Variants in KLF12 observed in about 807,000 individuals in gnomAD.
The protein encoded by KLF12 is KLF transcription factor 12, also known as Krueppel-like factor 12.
KLF12 carries 9 observed loss-of-function variants against 37.8 expected under a neutral mutation model. The observed-to-expected ratio is 0.24, with a 90% confidence interval of 0.14 to 0.42. KLF12 has a LOEUF of 0.42. Ranked by LOEUF, KLF12 falls within the 10% of genes least tolerant of loss-of-function variation. The pLI is 1.00. For missense variants in KLF12, 411 were observed against 516.0 expected, an observed-to-expected ratio of 0.80 and a Z score of 1.97; for synonymous variants, 208 against 202.1, an observed-to-expected ratio of 1.03 and a Z score of -0.25.
intron 1 of KLF12, among the ~76,000 whole-genome samples, chr13:74,094,111 C>A (rs1875838844): frequency 6.6e-6 from 1 of 152,044 alleles, no homozygotes; most frequent in South Asian, 2.1e-4. Flanking sequence ...TACAGGTGCC[C>A]ACCTCTACCT....
At chr13:74,295,953 AT>A in the KLF12 span, among the ~76,000 whole-genome samples, 2 of 151,932 alleles carry the variant, frequency 1.3e-5, no homozygotes, top group Non-Finnish European at 2.9e-5. Context: ...AGCAGGGATG[AT>A]AGACATGCGC....
chr13:74,075,621 A>G (rs1179810361), intron 1 of KLF12, among the ~76,000 whole-genome samples: 1 of 152,244 alleles, frequency 6.6e-6, no homozygotes, highest in Non-Finnish European at 1.5e-5. Context: ...TCCACTGTGA[A>G]CTTAATAAGC....
intron 3 of KLF12, among the ~76,000 whole-genome samples, chr13:73,849,661 C>A (rs1406172757): frequency 1.3e-5 from 2 of 152,046 alleles, no homozygotes; most frequent in African/African-American, 4.8e-5. Context: ...AAAGAAAGGT[C>A]GTAAGTTTTA....
chr13:74,052,406 T>C (rs1261536421), intron 1 of KLF12, among the ~76,000 whole-genome samples: 4 of 152,214 alleles, frequency 2.6e-5, no homozygotes, highest in Non-Finnish European at 5.9e-5. Flanking sequence ...TCTACTCTTT[T>C]TTTTAAGTTT....
chr13:74,203,334 T>A, the KLF12 span, among the ~76,000 whole-genome samples: 1 of 152,060 alleles, frequency 6.6e-6, no homozygotes, highest in Admixed American at 6.6e-5. Flanking sequence ...TTAGGCTAGA[T>A]GCAAGAAGAT....
At chr13:74,022,286 C>T (rs1016735691) in intron 1 of KLF12, among the ~76,000 whole-genome samples, 2 of 152,056 alleles carry the variant, frequency 1.3e-5, no homozygotes, top group African/African-American at 4.8e-5. Context: ...TCACATAATA[C>T]GGGGGCAACA....
chr13:73,851,800 A>G (rs1017060978), intron 3 of KLF12, among the ~76,000 whole-genome samples: 1 of 152,186 alleles, frequency 6.6e-6, no homozygotes, highest in African/African-American at 2.4e-5. Flanking sequence ...TTAAAAAGGA[A>G]TTAAACTAAA....
At chr13:73,863,172 C>T (rs1313415332) in intron 3 of KLF12, among the ~76,000 whole-genome samples, 2 of 152,100 alleles carry the variant, frequency 1.3e-5, no homozygotes, top group African/African-American at 4.8e-5. Flanking sequence ...ATCTCAGAAA[C>T]ATGCTGGATC....
intron 7 of KLF12, among the ~76,000 whole-genome samples, chr13:73,714,994 G>A (rs1166216826): frequency 2.0e-5 from 3 of 152,236 alleles, no homozygotes; most frequent in East Asian, 1.9e-4. Context: ...TTTGAGGAGA[G>A]CAAAAAGCAT....
At chr13:73,806,190 T>C (rs1882615168) in intron 5 of KLF12, among the ~76,000 whole-genome samples, 1 of 150,218 alleles carries the variant, frequency 6.7e-6, no homozygotes, top group Non-Finnish European at 1.5e-5. Flanking sequence ...CACTGAAACC[T>C]CCGCCTCCCG....
chr13:73,721,721 T>TC (rs1231071198), intron 6 of KLF12, among the ~76,000 whole-genome samples: 3 of 151,274 alleles, frequency 2.0e-5, no homozygotes, highest in African/African-American at 7.3e-5. Context: ...CTAGTTAATT[T>TC]TTTTTTTTTT....
intron 1 of KLF12, among the ~76,000 whole-genome samples, chr13:74,109,167 T>A (rs543041942): frequency 1.3e-5 from 2 of 152,294 alleles, no homozygotes; most frequent in Non-Finnish European, 2.9e-5. Context: ...AACTAGTTTT[T>A]GAAGATATAA....
the KLF12 span, among the ~76,000 whole-genome samples, chr13:74,206,184 A>T: frequency 6.6e-6 from 1 of 152,098 alleles, no homozygotes; most frequent in Non-Finnish European, 1.5e-5. Flanking sequence ...TTACCCATTC[A>T]TTATAGGGCC....
chr13:74,099,924 C>T (rs1876223035), intron 1 of KLF12, among the ~76,000 whole-genome samples: 1 of 152,064 alleles, frequency 6.6e-6, no homozygotes, highest in South Asian at 2.1e-4. Context: ...TCAAATTGAA[C>T]CATAAAACAT....
chr13:74,003,748 T>C (rs1892341447), intron 1 of KLF12, among the ~76,000 whole-genome samples: 1 of 152,202 alleles, frequency 6.6e-6, no homozygotes, highest in Admixed American at 6.5e-5. Flanking sequence ...TTTCTGCACA[T>C]GTACACATAC....
At chr13:73,818,153 T>G (rs1202426234) in intron 4 of KLF12, among the ~76,000 whole-genome samples, 2 of 152,180 alleles carry the variant, frequency 1.3e-5, no homozygotes, top group East Asian at 3.8e-4. Context: ...TTATTTTTAT[T>G]TATTTATTTT....
intron 4 of KLF12, among the ~76,000 whole-genome samples, chr13:73,815,450 G>A (rs1277243830): frequency 6.6e-6 from 1 of 152,190 alleles, no homozygotes; most frequent in African/African-American, 2.4e-5. Flanking sequence ...AAGGAACGTA[G>A]GATCCAGGAA....
chr13:73,937,596 G>C (rs1261609280), intron 3 of KLF12, among the ~76,000 whole-genome samples: 1 of 152,114 alleles, frequency 6.6e-6, no homozygotes, highest in Non-Finnish European at 1.5e-5. Context: ...CAGAGCGCAG[G>C]GACATCTGGA....
rs1324234653 is a variant in KLF12 at position 73,686,187 on chromosome 13, C to T, written c.*9303G>A. On this transcript the variant is annotated 3_prime_UTR_variant, in exon 8 of 8. Coordinates refer to ENST00000377669, the MANE Select transcript of KLF12 (RefSeq NM_007249.5). ...AAGGTTTAAACTCTATTTCAGTTCA[C>T]AGCTCAATTCATAGGAAAGTTGAAT... 1.3e-5 allele frequency: 2 copies of T among 152,604 alleles called. No homozygotes were observed. Among genetic ancestry groups the T allele is most frequent in the Admixed American group, 1.3e-4 (2 of 15,266 alleles). The allele number at this position is 152,604 out of a possible 1,614,324, so 9.5% of individuals were successfully genotyped here.
Sources: allele counts gnomAD v4.1 joint callset (sites outside exome capture counted in the v4.1 genomes callset), GRCh38; gene constraint gnomAD v4.1.1; transcripts MANE v1.5; gene names NCBI Gene and HGNC (gene_info 2026-07-23, HGNC 2026-07-21).